Variants in MINDY4 observed in about 807,000 individuals in gnomAD.
The protein encoded by MINDY4 is probable ubiquitin carboxyl-terminal hydrolase MINDY-4.
Under a neutral mutation model 87.0 loss-of-function variants are expected in MINDY4, and 68 were observed. The ratio of observed to expected loss-of-function variants is 0.78; its 90% confidence interval spans 0.64 to 0.96. The LOEUF is 0.96. Among genes scored for constraint, MINDY4 ranks in the 40% least tolerant of loss-of-function variants. The pLI is 0.00. For synonymous variants in MINDY4, 379 were observed against 363.2 expected, an observed-to-expected ratio of 1.04 and a Z score of -0.50; for missense variants, 919 against 928.2, an observed-to-expected ratio of 0.99 and a Z score of 0.13.
intron 5 of MINDY4, among the ~76,000 whole-genome samples, chr7:30,794,084 C>T (rs1381668276): frequency 2.6e-5 from 4 of 152,142 alleles, no homozygotes; most frequent in African/African-American, 9.7e-5. Flanking sequence ...CTCACTGCCT[C>T]AGCGAGGCGT....
intron 11 of MINDY4, among the ~76,000 whole-genome samples, chr7:30,852,875 C>T (rs1584316925): frequency 6.6e-6 from 1 of 152,164 alleles, no homozygotes; most frequent in East Asian, 1.9e-4. Flanking sequence ...ACGTGTTGCC[C>T]TGTGACCCTA....
intron 6 of MINDY4, among the ~76,000 whole-genome samples, chr7:30,835,817 T>G (rs1214545266): frequency 6.6e-6 from 1 of 152,250 alleles, no homozygotes; most frequent in Admixed American, 6.5e-5. Context: ...CCCTGGGTCC[T>G]TTATCACTGT....
chr7:30,794,316 A>G (rs542123987), intron 5 of MINDY4, among the ~76,000 whole-genome samples: 1 of 152,186 alleles, frequency 6.6e-6, no homozygotes, highest in African/African-American at 2.4e-5. Flanking sequence ...GGAGACACAC[A>G]TGTGCACATA....
At chr7:30,884,580 A>G (rs1790572793) in intron 17 of MINDY4, among the ~76,000 whole-genome samples, 1 of 152,210 alleles carries the variant, frequency 6.6e-6, no homozygotes, top group Non-Finnish European at 1.5e-5. Context: ...CCCTGGACAC[A>G]GCCGCAGCTT....
At position 30,882,847 on chromosome 7, in the gene MINDY4, G is replaced by C. The variant is rs561408959; in HGVS notation, c.2153-74G>C. 2.9e-6 allele frequency: 4 copies of C among 1,375,636 alleles called. No individual in the cohort carries two copies. In the East Asian group the frequency reaches 6.9e-5, roughly 24 times the overall value. The allele number at this position is 1,375,636 out of a possible 1,614,324, so 85.2% of individuals were successfully genotyped here. On this transcript the variant is annotated intron_variant, in intron 16 of 17. Coordinates refer to ENST00000265299, the MANE Select transcript of MINDY4 (RefSeq NM_032222.3). ...GGGACTAGAAGGGGGCGGGTCTCGG[G>C]AGTGGTCAGCGCTGACCTCAGGGTG...
intron 15 of MINDY4, among the ~76,000 whole-genome samples, chr7:30,876,788 G>A (rs1474221001): frequency 1.3e-5 from 2 of 152,152 alleles, no homozygotes; most frequent in East Asian, 3.9e-4. Context: ...GATTCTTGGA[G>A]GGTCCGGATG....
intron 5 of MINDY4, among the ~76,000 whole-genome samples, chr7:30,799,576 C>T (rs1214459548): frequency 2.0e-5 from 3 of 152,242 alleles, no homozygotes. Flanking sequence ...AGGTTAGGTT[C>T]CTAAGAACAA....
chr7:30,838,068 G>C (rs1788915794), intron 7 of MINDY4, among the ~76,000 whole-genome samples: 1 of 152,204 alleles, frequency 6.6e-6, no homozygotes, highest in South Asian at 2.1e-4. Flanking sequence ...GAATCCACCT[G>C]CTGGTCTTGG....
At chr7:30,859,208 A>T (rs1454355633) in intron 12 of MINDY4, 49 bp from the exon 13 acceptor site, 1 of 1,550,212 alleles carries the variant, frequency 6.5e-7, no homozygotes, top group Admixed American at 1.7e-5. Flanking sequence ...GGGGCTGGGA[A>T]GAGGGAGGTG....
intron 6 of MINDY4, among the ~76,000 whole-genome samples, chr7:30,832,048 A>G (rs1034850663): frequency 2.6e-5 from 4 of 152,108 alleles, no homozygotes; most frequent in Non-Finnish European, 5.9e-5. Flanking sequence ...GGCCTGCTAT[A>G]TGGTCCTAAA....
At chr7:30,891,890 A>G in intron 17 of MINDY4, 67 bp from the exon 18 acceptor site, 2 of 1,522,316 alleles carry the variant, frequency 1.3e-6, no homozygotes, top group Admixed American at 1.7e-5. Context: ...TGGAGGCAAG[A>G]GATGGGCTCT....
intron 9 of MINDY4, among the ~76,000 whole-genome samples, chr7:30,841,126 C>T (rs915651715): frequency 3.9e-5 from 6 of 152,170 alleles, no homozygotes; most frequent in Non-Finnish European, 7.3e-5. Context: ...CCTCCTCAGA[C>T]GGCAAGCTGC....
chr7:30,773,149 TCTG>T (rs1786696538), intron 1 of MINDY4, among the ~76,000 whole-genome samples: 1 of 152,196 alleles, frequency 6.6e-6, no homozygotes, highest in Non-Finnish European at 1.5e-5. Context: ...CTCATCGCCT[TCTG>T]CTCTAGGGCA....
chr7:30,813,101 A>G (rs983286286), intron 5 of MINDY4, among the ~76,000 whole-genome samples: 7 of 152,184 alleles, frequency 4.6e-5, no homozygotes, highest in African/African-American at 1.7e-4. Context: ...TTGGAGAACC[A>G]AGGACACGGG....
intron 13 of MINDY4, among the ~76,000 whole-genome samples, chr7:30,869,890 G>A (rs1025456385): frequency 6.6e-6 from 1 of 152,168 alleles, no homozygotes; most frequent in African/African-American, 2.4e-5. Flanking sequence ...TCTCTCTGGG[G>A]CAGTGCTGAG....
chr7:30,882,372 T>TCCGCCCCCCCCC lies in MINDY4; in HGVS notation c.2152+12_2152+13insCGCCCCCCCCCC. 1 of 1,521,494 alleles carries TCCGCCCCCCCCC rather than the reference T, an allele frequency of 6.6e-7. No homozygotes were observed. 94.2% of individuals were successfully genotyped at this position (1,521,494 alleles called of 1,614,324 possible). On this transcript the variant is annotated intron_variant, in intron 16 of 17. Coordinates refer to ENST00000265299, the MANE Select transcript of MINDY4 (RefSeq NM_032222.3). ...TCCGGCTGACCATTGGTGCGGGCCC[T>TCCGCCCCCCCCC]CACCCCCCCACCCACCCAACCCTGT...
chr7:30,864,850 G>A (rs1193720295), intron 13 of MINDY4, among the ~76,000 whole-genome samples: 1 of 152,210 alleles, frequency 6.6e-6, no homozygotes, highest in African/African-American at 2.4e-5. Context: ...CAGTAATGGA[G>A]AAAAGAGATC....
intron 12 of MINDY4, among the ~76,000 whole-genome samples, chr7:30,855,447 A>G (rs1456955934): frequency 2.0e-5 from 3 of 152,188 alleles, no homozygotes; most frequent in Non-Finnish European, 2.9e-5. Context: ...GTGGCCAGGA[A>G]TGGGATCACC....
At position 30,810,656 on chromosome 7, in the gene MINDY4, C is replaced by T. The variant is rs1306082832; in HGVS notation, c.1074-18023C>T. Among the ~76,000 whole-genome samples, 5 of 152,080 alleles carry T rather than the reference C, an allele frequency of 3.3e-5. No individual in the cohort carries two copies. In the East Asian group the frequency reaches 9.6e-4, roughly 29 times the overall value. On this transcript the variant is annotated intron_variant, in intron 5 of 17. Transcript: ENST00000265299. ...AAGATTATAAAAGGTTAAAAAGAGT[C>T]TATAAAAATCTTACCTTATGGTCCA...
Sources: gnomAD v4.1 joint callset for allele counts (sites outside exome capture counted in the v4.1 genomes callset) on GRCh38, gnomAD v4.1.1 for gene constraint, MANE v1.5 for transcripts, NCBI Gene and HGNC (gene_info 2026-07-23, HGNC 2026-07-21) for gene names.